Variants in MSL3 observed in about 807,000 individuals in gnomAD.
The protein encoded by MSL3 is MSL complex subunit 3.
Under a neutral mutation model 37.2 loss-of-function variants are expected in MSL3, and 5 were observed. The observed-to-expected ratio is 0.13, with a 90% CI of 0.07 to 0.28. MSL3 has a LOEUF of 0.28. MSL3 is among the 10% of genes least tolerant of loss of function. The pLI is 1.00. For synonymous variants in MSL3, 149 were observed against 147.6 expected (o/e 1.01, Z -0.07); for missense variants, 315 against 408.5 (o/e 0.77, Z 1.97).
chrX:11,758,724 G>A, intron 1 of MSL3: 1 of 1,167,142 alleles, frequency 8.6e-7, no homozygotes, highest in Non-Finnish European at 1.1e-6. Context: ...CCTTCTGTGC[G>A]GCCTGGTGCC....
chrX:11,763,703 A>G lies in MSL3; in HGVS notation c.750-77A>G, dbSNP rs1460047333. ...TTAGATTTAAAACTGCCCTATTAAA[A>G]ATCGGCAACTTCATTGTGAACATTT... On this transcript the variant is annotated intron_variant, in intron 7 of 12. Transcript: ENST00000312196. 6.6e-6 allele frequency: 6 copies of G among 912,486 alleles called. No individual in the cohort carries two copies. The Admixed American group carries it at 1.5e-4, about 23-fold the overall frequency. 75.2% of individuals were successfully genotyped at this position (912,486 alleles called of 1,213,427 possible).
rs772452834 is a variant in MSL3, at chrX:11,772,191, C to A, written c.1317C>A (p.Pro439=). 37 of 1,208,423 alleles carry A rather than the reference C, an allele frequency of 3.1e-5. No homozygotes were observed. The highest frequency in any genetic ancestry group is 3.7e-5 in the Non-Finnish European group (33 of 894,247). The part of the protein sequence containing the change: ...LSWKLVPDNY[P]PGDQPPPPSY... Reference sequence around the variant, plus strand: ...GGAAGCTTGTGCCTGACAATTACCCCCCAGGTGACCAGCCGCCTCCACCCT... The same window carrying A: ...GGAAGCTTGTGCCTGACAATTACCCACCAGGTGACCAGCCGCCTCCACCCT... The change falls in exon 11 of 13, where the codon CCC becomes CCA. Residue 439 remains proline (P), a synonymous_variant. Transcript: ENST00000312196.
chrX:11,758,663 C>T, intron 1 of MSL3: 1 of 1,164,242 alleles, frequency 8.6e-7, no homozygotes, highest in Non-Finnish European at 1.1e-6. Context: ...ACGGTGGCCG[C>T]TGAGGGAGGA....
In MSL3 at chrX:11,763,844, G is replaced by A; in HGVS notation, c.814G>A (p.Val272Ile). ...AACCTTTGATTACACTCTCCCGTTG[G>A]TTTTACTCTATCCATATGAACAAGC... ...RITFDYTLPL[V>I]LLYPYEQAQY... is the part of the protein sequence containing the mutation. Residue 272 changes from valine to isoleucine, a missense_variant, in exon 8 of 13, where the codon GTT becomes ATT. Coordinates refer to ENST00000312196, the MANE Select transcript of MSL3 (RefSeq NM_078629.4). 2 of 1,206,098 alleles carry A rather than the reference G, an allele frequency of 1.7e-6. No homozygotes were observed. The highest frequency in any genetic ancestry group is 2.4e-4 in the Middle Eastern group (1 of 4,231).
chrX:11,760,473 T>C lies in MSL3; in HGVS notation c.256T>C (p.Leu86=). ...TDENRRLQRK[L]ARKAVARLRS... ...TGAAAATCGTAGATTACAGCGTAAA[T>C]TGGCAAGAAAAGCTGTAGCTCGCCT... The change falls in exon 3 of 13, where the codon TTG becomes CTG. Residue 86 remains leucine (L), a synonymous_variant. Coordinates refer to ENST00000312196, the MANE Select transcript of MSL3 (RefSeq NM_078629.4). The C allele has an allele frequency of 8.3e-7, 1 of 1,199,656 alleles. No homozygotes were observed. The highest frequency in any genetic ancestry group is 1.1e-6 in the Non-Finnish European group (1 of 889,448).
At position 11,761,543 on chromosome X, in the gene MSL3, A is replaced by C; in HGVS notation, c.426A>C (p.Glu142Asp). 1 of 1,200,585 alleles carries C rather than the reference A, an allele frequency of 8.3e-7. No homozygotes were observed. Among genetic ancestry groups the C allele is most frequent in the Non-Finnish European group, 1.1e-6 (1 of 888,054 alleles). ...ACTGTAGTGAAAACAAGGATGAAGAAATAAGTGAAGAAAGTGATATTGAAG... is the reference window on the plus strand; with the variant it reads ...ACTGTAGTGAAAACAAGGATGAAGACATAAGTGAAGAAAGTGATATTGAAG... Reference protein sequence around the residue: ...SSDCSENKDEEISEESDIEEK... With the variant: ...SSDCSENKDEDISEESDIEEK... Residue 142 changes from glutamate (E) to aspartate (D), a missense_variant, in exon 5 of 13, where the codon GAA (glutamate) becomes GAC (aspartate). Coordinates refer to ENST00000312196, the MANE Select transcript of MSL3 (RefSeq NM_078629.4).
rs749140252 is a variant in MSL3, at chrX:11,760,775, G to C, written c.282-62G>C. The stretch of plus-strand genomic sequence containing the variant: ...TTCATTGTTTATTATATCTTGTTTT[G>C]ATCTCAAGACTCACGAGTTCAATGT... On this transcript the variant is annotated intron_variant, in intron 3 of 12. Coordinates refer to ENST00000312196, the MANE Select transcript of MSL3 (RefSeq NM_078629.4). 4.6e-6 allele frequency: 4 copies of C among 873,819 alleles called. No individual in the cohort carries two copies. In the African/African-American group the frequency reaches 8.3e-5, roughly 18 times the overall value. 72.0% of individuals were successfully genotyped at this position (873,819 alleles called of 1,213,427 possible).
intron 9 of MSL3, chrX:11,767,404 A>T (rs1196222369): frequency 3.3e-6 from 1 of 301,797 alleles, no homozygotes; most frequent in Non-Finnish European, 4.4e-6. Context: ...GGGCAGGAGG[A>T]TCACTTGAGG....
chrX:11,772,058 T>G, intron 10 of MSL3, 98 bp from the exon 11 acceptor site: 1 of 573,646 alleles, frequency 1.7e-6, no homozygotes. Context: ...AATCACTTAT[T>G]TTTTCCCCTC....
At chrX:11,770,272 TATG>T (rs892572796) in intron 10 of MSL3, among the ~76,000 whole-genome samples, 7 of 112,109 alleles carry the variant, frequency 6.2e-5, no homozygotes, top group African/African-American at 2.3e-4. Context: ...TAATTTGTGT[TATG>T]ATGATTGTTG....
chrX:11,771,959 G>A (rs750602431), intron 10 of MSL3, among the ~76,000 whole-genome samples, 197 bp from the exon 11 acceptor site: 3 of 112,067 alleles, frequency 2.7e-5, no homozygotes, highest in African/African-American at 9.7e-5. Context: ...TAACTGTTGC[G>A]AGTTAAGAAA....
intron 1 of MSL3, chrX:11,758,676 C>T: frequency 8.6e-7 from 1 of 1,165,797 alleles, no homozygotes; most frequent in Non-Finnish European, 1.1e-6. Flanking sequence ...AGGGAGGAGG[C>T]TTCTCGAATA....
At chrX:11,772,062 TCCCC>T in intron 10 of MSL3, 90 bp from the exon 11 acceptor site, 2 of 581,916 alleles carry the variant, frequency 3.4e-6, no homozygotes, top group Admixed American at 6.3e-5. Flanking sequence ...ACTTATTTTT[TCCCC>T]TCTACGTACA....
At chrX:11,766,191 ACCT>A in intron 9 of MSL3, 2 of 779,822 alleles carry the variant, frequency 2.6e-6, no homozygotes, top group East Asian at 1.2e-4. Context: ...AGCTCTTCTC[ACCT>A]CCTCTTAGCC....
Position 11,762,078 on chromosome X carries a change from A to T in MSL3, c.466-52A>T, listed in dbSNP as rs373139609. 7.4e-5 allele frequency: 74 copies of T among 1,003,996 alleles called. No individual in the cohort carries two copies. In the African/African-American group the frequency reaches 1.3e-3, roughly 18 times the overall value. The allele number at this position is 1,003,996 out of a possible 1,213,427, so 82.7% of individuals were successfully genotyped here. A position where few individuals can be genotyped will look rare whatever the true frequency, so the allele number is the denominator to read the frequency against. On this transcript the variant is annotated intron_variant, in intron 5 of 12. Transcript: ENST00000312196. ...GTTTCATAGCAGGCCTTCCTTGGAT[A>T]TTGACTCTTCTACTGTTTTAAATAG...
chrX:11,759,511 TG>T, intron 1 of MSL3: 1 of 752,885 alleles, frequency 1.3e-6, no homozygotes, highest in Non-Finnish European at 1.7e-6. Flanking sequence ...TCATCTAGCC[TG>T]GAGTCTCTCC....
Position 11,762,949 on chromosome X carries a change from T to G in MSL3, c.701T>G (p.Val234Gly). The G allele has an allele frequency of 1.7e-6, 2 of 1,209,973 alleles. No homozygotes were observed. Among genetic ancestry groups the G allele is most frequent in the Non-Finnish European group, 2.2e-6 (2 of 894,796 alleles). The change falls in exon 7 of 13, where the codon GTT (valine) becomes GGT (glycine). Residue 234 changes from valine (V) to glycine (G), a missense_variant. By Grantham distance (109) the Val-to-Gly change is moderately radical. Coordinates refer to ENST00000312196, the MANE Select transcript of MSL3 (RefSeq NM_078629.4). ...SANERPRHHHVMPHANMNVHY... is the reference protein window; with the variant it reads ...SANERPRHHHGMPHANMNVHY... ...AATGAGAGGCCTCGTCACCATCACG[T>G]TATGCCACATGCCAACATGAACGTG...
chrX:11,758,637 T>G, intron 1 of MSL3: 1 of 1,156,851 alleles, frequency 8.6e-7, no homozygotes, highest in South Asian at 1.9e-5. Context: ...GGCTACCGTT[T>G]GCGCCCCCGA....
At chrX:11,760,528 T>C in intron 3 of MSL3, 30 bp downstream of exon 3, 1 of 1,046,035 alleles carries the variant, frequency 9.6e-7, no homozygotes, top group Non-Finnish European at 1.3e-6. Context: ...GATATAAATG[T>C]TATCCAATGT....
Sources: gnomAD v4.1 joint callset for allele counts (sites outside exome capture counted in the v4.1 genomes callset) on GRCh38, gnomAD v4.1.1 for gene constraint, MANE v1.5 for transcripts, NCBI Gene and HGNC (gene_info 2026-07-23, HGNC 2026-07-21) for gene names.